PSMD1: variants seen among roughly 807,000 people sequenced by gnomAD.
PSMD1 encodes proteasome 26S subunit, non-ATPase 1, also known as 26S proteasome non-ATPase regulatory subunit 1.
A neutral mutation model predicts 119.0 loss-of-function variants in PSMD1; 18 were observed. That is an observed-to-expected ratio of 0.15 (90% CI 0.10 to 0.22). The LOEUF (loss-of-function observed/expected upper bound fraction) is 0.22, where lower values mean the gene tolerates loss of function less well. PSMD1 is among the 10% of genes least tolerant of loss of function. PSMD1 has a pLI of 1.00. For synonymous variants in PSMD1, 374 were observed against 396.6 expected (o/e 0.94, Z 0.68); for missense variants, 702 against 1,158.5 (o/e 0.61, Z 5.72).
chr2:231,117,528 G>A (rs535676551), intron 16 of PSMD1, among the ~76,000 whole-genome samples: 11 of 152,160 alleles, frequency 7.2e-5, no homozygotes, highest in African/African-American at 2.6e-4. Context: ...AACAAAACAA[G>A]TCCTAGATGG....
chr2:231,150,631 G>A (rs1696355745), intron 18 of PSMD1, among the ~76,000 whole-genome samples: 1 of 151,938 alleles, frequency 6.6e-6, no homozygotes, highest in African/African-American at 2.4e-5. Context: ...ATTTGATTAT[G>A]GGATATCATA....
At position 231,082,109 on chromosome 2, in the gene PSMD1, C is replaced by T. The variant is rs1217131823; in HGVS notation, c.1414-774C>T. Among the ~76,000 whole-genome samples, 5 of 152,312 alleles carry T rather than the reference C, an allele frequency of 3.3e-5. No individual in the cohort carries two copies. The South Asian group carries it at 1.0e-3, about 32-fold the overall frequency. On this transcript the variant is annotated intron_variant, in intron 12 of 24. Transcript: ENST00000308696. Reference sequence around the variant, plus strand: ...ACAGTTTCTTGCTGTGCTACCCAGGCTGGAGTGCAGTGGCACAATGATGGC... The same window carrying T: ...ACAGTTTCTTGCTGTGCTACCCAGGTTGGAGTGCAGTGGCACAATGATGGC...
intron 16 of PSMD1, among the ~76,000 whole-genome samples, chr2:231,092,993 C>T (rs774795176): frequency 6.6e-6 from 1 of 152,182 alleles, no homozygotes; most frequent in Non-Finnish European, 1.5e-5. Context: ...GCATCTTAAT[C>T]CAATGTGTGC....
chr2:231,158,931 C>G (rs1017663484), intron 19 of PSMD1, among the ~76,000 whole-genome samples: 2 of 151,894 alleles, frequency 1.3e-5, no homozygotes, highest in African/African-American at 4.8e-5. Flanking sequence ...TAAAGTATAC[C>G]TGGCCTTTTT....
chr2:231,083,167 GAT>G (rs1694355256), intron 13 of PSMD1, among the ~76,000 whole-genome samples, 173 bp downstream of exon 13: 1 of 152,186 alleles, frequency 6.6e-6, no homozygotes, highest in Non-Finnish European at 1.5e-5. Flanking sequence ...CAAGTTTTGT[GAT>G]ATATAGGCTT....
chr2:231,092,881 G>A (rs1224730893), intron 16 of PSMD1, among the ~76,000 whole-genome samples: 1 of 152,212 alleles, frequency 6.6e-6, no homozygotes, highest in Admixed American at 6.5e-5. Flanking sequence ...CCTTTGCCAT[G>A]ATATAGCCAT....
chr2:231,099,372 C>T (rs1414087823), intron 16 of PSMD1, among the ~76,000 whole-genome samples: 1 of 152,224 alleles, frequency 6.6e-6, no homozygotes, highest in Non-Finnish European at 1.5e-5. Flanking sequence ...TGACACGTTA[C>T]ATCCTCATTC....
At chr2:231,122,079 C>T (rs1331252699) in intron 16 of PSMD1, among the ~76,000 whole-genome samples, 1 of 152,008 alleles carries the variant, frequency 6.6e-6, no homozygotes, top group Non-Finnish European at 1.5e-5. Context: ...AATTATTTTT[C>T]ATGGTTTCAT....
Position 231,077,090 on chromosome 2 carries a change from G to A in PSMD1, c.999G>A (p.Met333Ile), listed in dbSNP as rs1694185930. Residue 333 changes from methionine (M) to isoleucine (I), a missense_variant, in exon 9 of 25, where the codon ATG (methionine) becomes ATA (isoleucine). This residue lies in a region of PSMD1 where 272 missense variants were observed against 511.6 expected (regional missense o/e 0.53). Transcript: ENST00000308696. Reference protein sequence around the residue: ...LKMIKILSGEMAIELHLQFLI... With the variant: ...LKMIKILSGEIAIELHLQFLI... ...TGATTAAAATTTTAAGTGGTGAAATGGCTATTGAGTTACATCTGCAGTTCT... is the reference window on the plus strand; with the variant it reads ...TGATTAAAATTTTAAGTGGTGAAATAGCTATTGAGTTACATCTGCAGTTCT... The A allele has an allele frequency of 6.2e-7, 1 of 1,603,504 alleles. No homozygotes were observed. The highest frequency in any genetic ancestry group is 8.5e-7 in the Non-Finnish European group (1 of 1,173,182).
intron 19 of PSMD1, among the ~76,000 whole-genome samples, chr2:231,154,682 TTG>T (rs1034283588): frequency 2.0e-5 from 3 of 152,200 alleles, no homozygotes; most frequent in Admixed American, 6.5e-5. Context: ...TTGCTCAGGC[TTG>T]TCTTGAACTC....
In PSMD1 at chr2:231,165,860, T is replaced by G; in HGVS notation, c.2569-11T>G. The G allele has an allele frequency of 6.3e-7, 1 of 1,575,988 alleles. No homozygotes were observed. The highest frequency in any genetic ancestry group is 1.4e-5 in the African/African-American group (1 of 72,780). ...ACTTCTGTTGAACTTTTTTTAAATT[T>G]TATTTTATAGGATGAGGCAGAGAAA... On this transcript the variant is annotated splice_polypyrimidine_tract_variant and intron_variant, in intron 22 of 24. Transcript: ENST00000308696.
chr2:231,171,939 G>C (rs1339344753), intron 24 of PSMD1, among the ~76,000 whole-genome samples: 3 of 152,102 alleles, frequency 2.0e-5, no homozygotes. Flanking sequence ...CATGCTGTGT[G>C]TTAGATACTG....
intron 16 of PSMD1, among the ~76,000 whole-genome samples, chr2:231,134,626 C>G (rs1024992771): frequency 6.6e-6 from 1 of 152,192 alleles, no homozygotes; most frequent in Non-Finnish European, 1.5e-5. Flanking sequence ...CATTATTCCT[C>G]TACACAAAAT....
chr2:231,151,365 C>T (rs182330641), intron 18 of PSMD1, among the ~76,000 whole-genome samples: 10 of 151,924 alleles, frequency 6.6e-5, no homozygotes, highest in Admixed American at 4.6e-4. Context: ...AAGCTGACTT[C>T]GAAATTTAAT....
chr2:231,162,336 A>C (rs947133577), intron 20 of PSMD1, among the ~76,000 whole-genome samples: 1 of 152,204 alleles, frequency 6.6e-6, no homozygotes, highest in African/African-American at 2.4e-5. Context: ...TAGGCTTAAA[A>C]CTGACTGGTA....
At chr2:231,095,594 G>A (rs541026642) in intron 16 of PSMD1, among the ~76,000 whole-genome samples, 1 of 152,316 alleles carries the variant, frequency 6.6e-6, no homozygotes, top group South Asian at 2.1e-4. Flanking sequence ...GGACTATTTA[G>A]CATCCCTTGA....
At chr2:231,149,838 C>A (rs1221021308) in intron 18 of PSMD1, among the ~76,000 whole-genome samples, 1 of 152,116 alleles carries the variant, frequency 6.6e-6, no homozygotes, top group South Asian at 2.1e-4. Context: ...CAAATTAATG[C>A]TGATAAAATT....
intron 16 of PSMD1, among the ~76,000 whole-genome samples, chr2:231,130,385 T>C (rs1293097993): frequency 6.6e-6 from 1 of 152,256 alleles, no homozygotes; most frequent in African/African-American, 2.4e-5. Flanking sequence ...TTCTTTCCTC[T>C]CCACTGCCCT....
chr2:231,056,973 C>A lies in PSMD1; in HGVS notation c.-53C>A, dbSNP rs1039417921. 2 of 1,539,846 alleles carry A rather than the reference C, an allele frequency of 1.3e-6. No individual in the cohort carries two copies. The highest frequency in any genetic ancestry group is 2.0e-5 in the Admixed American group (1 of 50,782). On this transcript the variant is annotated 5_prime_UTR_variant, in exon 1 of 25. Coordinates refer to ENST00000308696, the MANE Select transcript of PSMD1 (RefSeq NM_002807.4). Reference sequence around the variant, plus strand: ...TGAGCGGCCCCTGAGCTGACAGATACACTGCGCAGCTGGAACGGCGAGCGA... The same window carrying A: ...TGAGCGGCCCCTGAGCTGACAGATAAACTGCGCAGCTGGAACGGCGAGCGA...
Sources: gnomAD v4.1 joint callset for allele counts (sites outside exome capture counted in the v4.1 genomes callset) on GRCh38, gnomAD v4.1.1 for gene constraint, gnomAD v4.1.1 regional missense constraint, MANE v1.5 for transcripts, NCBI Gene and HGNC (gene_info 2026-07-23, HGNC 2026-07-21) for gene names.